PDE10A: variants seen among roughly 807,000 people sequenced by gnomAD.
PDE10A encodes phosphodiesterase 10A.
Under a neutral mutation model 97.7 loss-of-function variants are expected in PDE10A, and 39 were observed. The observed-to-expected ratio is 0.40, with a 90% CI of 0.31 to 0.52. PDE10A has a LOEUF of 0.52. Among genes scored for constraint, PDE10A ranks in the 20% least tolerant of loss-of-function variants. The probability of loss-of-function intolerance (pLI) is 0.56; values close to 1 mark genes in which losing one functional copy is unlikely to be tolerated. For synonymous variants in PDE10A, 371 were observed against 376.8 expected, an observed-to-expected ratio of 0.98 and a Z score of 0.18; for missense variants, 731 against 1,047.8, an observed-to-expected ratio of 0.70 and a Z score of 4.17.
At chr6:165,435,205 A>C (rs1288017219) in intron 6 of PDE10A, 32 bp downstream of exon 6, 1 of 1,575,842 alleles carries the variant, frequency 6.3e-7, no homozygotes, top group South Asian at 1.2e-5. Context: ...CTTTAGGTCA[A>C]AAGTGTCACA....
intron 1 of PDE10A, among the ~76,000 whole-genome samples, chr6:165,693,546 A>G (rs933232831): frequency 1.3e-5 from 2 of 151,358 alleles, no homozygotes; most frequent in African/African-American, 4.8e-5. Flanking sequence ...AAAAAAAAAA[A>G]AAAAAACCGA....
chr6:165,377,150 G>A (rs779821512), intron 18 of PDE10A, among the ~76,000 whole-genome samples: 19 of 152,182 alleles, frequency 1.2e-4, no homozygotes, highest in Admixed American at 2.6e-4. Flanking sequence ...AACACATGGT[G>A]TAAATACAAC....
chr6:165,349,654 A>G (rs1163326777), intron 18 of PDE10A, among the ~76,000 whole-genome samples: 5 of 152,180 alleles, frequency 3.3e-5, no homozygotes, highest in Non-Finnish European at 7.3e-5. Context: ...GGGCACGTAA[A>G]AGACCTTCAT....
chr6:165,506,981 C>T (rs112760243), intron 2 of PDE10A, among the ~76,000 whole-genome samples: 40 of 152,206 alleles, frequency 2.6e-4, no homozygotes, highest in African/African-American at 8.9e-4. Context: ...AGTCTTCACC[C>T]CTTTAGTAAT....
At chr6:165,397,623 A>G (rs1297175675) in intron 13 of PDE10A, among the ~76,000 whole-genome samples, 3 of 145,178 alleles carry the variant, frequency 2.1e-5, no homozygotes, top group Non-Finnish European at 3.0e-5. Flanking sequence ...AATCGCTTGA[A>G]CCTGGGAGGT....
intron 1 of PDE10A, among the ~76,000 whole-genome samples, chr6:165,559,306 CT>C (rs1784411322): frequency 6.6e-6 from 1 of 152,074 alleles, no homozygotes; most frequent in Non-Finnish European, 1.5e-5. Context: ...AAAATAGGGG[CT>C]AAGAGGGATA....
chr6:165,695,798 G>A (rs1791429320), intron 1 of PDE10A, among the ~76,000 whole-genome samples: 1 of 152,128 alleles, frequency 6.6e-6, no homozygotes, highest in African/African-American at 2.4e-5. Flanking sequence ...GAGAATCGGG[G>A]AATGAGACAT....
intron 1 of PDE10A, chr6:165,946,721 T>C (rs1783784354): frequency 6.6e-6 from 1 of 152,118 alleles, no homozygotes; most frequent in South Asian, 2.1e-4. Context: ...AAAAAACTAA[T>C]AAATATATCA....
At chr6:165,645,263 G>A (rs1010858259) in intron 1 of PDE10A, among the ~76,000 whole-genome samples, 2 of 152,150 alleles carry the variant, frequency 1.3e-5, no homozygotes, top group African/African-American at 2.4e-5. Flanking sequence ...GGGGCCTGCT[G>A]GAACCAGTAA....
At chr6:165,842,055 T>A (rs984815333) in intron 1 of PDE10A, among the ~76,000 whole-genome samples, 1 of 152,216 alleles carries the variant, frequency 6.6e-6, no homozygotes, top group Admixed American at 6.5e-5. Flanking sequence ...GAAAAAGGTT[T>A]TATAGATGTA....
chr6:165,415,990 AC>A (rs1183790315), intron 12 of PDE10A, among the ~76,000 whole-genome samples, 198 bp downstream of exon 12: 6 of 152,256 alleles, frequency 3.9e-5, no homozygotes, highest in African/African-American at 9.6e-5. Flanking sequence ...ATATCATGAT[AC>A]ATTAGTGGAT....
intron 1 of PDE10A, among the ~76,000 whole-genome samples, chr6:165,645,985 A>G (rs529328205): frequency 3.3e-5 from 5 of 152,330 alleles, no homozygotes; most frequent in East Asian, 3.9e-4. Flanking sequence ...GGTAGGAAAC[A>G]AGTATAAAGG....
At chr6:165,409,277 T>G (rs962682388) in intron 13 of PDE10A, among the ~76,000 whole-genome samples, 5 of 151,548 alleles carry the variant, frequency 3.3e-5, no homozygotes, top group Non-Finnish European at 4.4e-5. Flanking sequence ...CTGGGCGAGG[T>G]GGCTCACGCC....
At chr6:165,786,141 T>C (rs1778487056) in intron 1 of PDE10A, among the ~76,000 whole-genome samples, 1 of 152,166 alleles carries the variant, frequency 6.6e-6, no homozygotes, top group Non-Finnish European at 1.5e-5. Context: ...AGGAAACAGA[T>C]TATTTAAGAC....
intron 1 of PDE10A, among the ~76,000 whole-genome samples, chr6:165,570,802 A>G (rs1165517374): frequency 6.6e-6 from 1 of 152,198 alleles, no homozygotes; most frequent in African/African-American, 2.4e-5. Context: ...ATTATGTTCT[A>G]TAAAGTCCAA....
At chr6:165,944,488 C>A (rs1228001223) in intron 1 of PDE10A, among the ~76,000 whole-genome samples, 1 of 152,208 alleles carries the variant, frequency 6.6e-6, no homozygotes, top group Non-Finnish European at 1.5e-5. Context: ...TCAAGGTGAT[C>A]TTTTCAACGT....
At chr6:165,820,932 G>A (rs2036016) in intron 1 of PDE10A, among the ~76,000 whole-genome samples, 1,976 of 152,336 alleles carry the variant, frequency 0.013, 47 homozygotes, top group African/African-American at 0.046. Context: ...ACTTGAAGGA[G>A]CAAGTGAAGT....
intron 1 of PDE10A, among the ~76,000 whole-genome samples, chr6:165,645,912 T>C (rs1413522458): frequency 6.7e-6 from 1 of 149,944 alleles, no homozygotes; most frequent in Non-Finnish European, 1.5e-5. Context: ...CCAAAACAAC[T>C]GCTAAATTTG....
chr6:165,607,547 T>A (rs1787270528), intron 1 of PDE10A, among the ~76,000 whole-genome samples: 1 of 152,158 alleles, frequency 6.6e-6, no homozygotes, highest in Admixed American at 6.5e-5. Flanking sequence ...TTAAGTGCAC[T>A]CAGTGATACT....
Sources: allele counts gnomAD v4.1 joint callset (sites outside exome capture counted in the v4.1 genomes callset), GRCh38; gene constraint gnomAD v4.1.1; transcripts MANE v1.5; gene names NCBI Gene and HGNC (gene_info 2026-07-23, HGNC 2026-07-21).